VSTM2B: variants seen among roughly 807,000 people sequenced by gnomAD.
VSTM2B encodes V-set and transmembrane domain containing 2B, also known as V-set and transmembrane domain-containing protein 2B.
In VSTM2B, 24 loss-of-function variants were observed where a neutral mutation model predicts 24.0. The ratio of observed to expected loss-of-function variants is 1.00; its 90% confidence interval spans 0.72 to 1.40. VSTM2B has a LOEUF of 1.40. VSTM2B is among the 40% of genes most tolerant of loss of function. The pLI is 0.00. For missense variants in VSTM2B, 399 were observed against 416.4 expected, an observed-to-expected ratio of 0.96 and a Z score of 0.36; for synonymous variants, 226 against 194.4, an observed-to-expected ratio of 1.16 and a Z score of -1.35.
chr19:29,527,182 C>T, intron 1 of VSTM2B, 29 bp from the exon 2 acceptor site: 1 of 1,534,484 alleles, frequency 6.5e-7, no homozygotes, highest in South Asian at 1.2e-5. Flanking sequence ...TACAGCTGGT[C>T]ACGCCTCTCT....
At chr19:29,528,824 G>A in intron 3 of VSTM2B, 3 of 860,424 alleles carry the variant, frequency 3.5e-6, no homozygotes, top group Middle Eastern at 6.1e-4. Flanking sequence ...CGCCCTCGCC[G>A]CGACCGTGGC....
At chr19:29,558,875 T>G (rs1477943301) in intron 4 of VSTM2B, among the ~76,000 whole-genome samples, 2 of 152,180 alleles carry the variant, frequency 1.3e-5, no homozygotes, top group Admixed American at 6.5e-5. Context: ...AATAAAAATT[T>G]TTTTAAAAAG....
intron 4 of VSTM2B, among the ~76,000 whole-genome samples, chr19:29,546,670 G>GCCCCCCCCC (rs201235419): frequency 2.0e-5 from 3 of 150,318 alleles, no homozygotes; most frequent in African/African-American, 7.4e-5. Flanking sequence ...CCGCTGGGGA[G>GCCCCCCCCC]CCCCCACCCC....
At chr19:29,562,292 G>A (rs778387282) in intron 4 of VSTM2B, among the ~76,000 whole-genome samples, 12 of 152,218 alleles carry the variant, frequency 7.9e-5, no homozygotes, top group Non-Finnish European at 2.9e-5. Context: ...AGCAGGAGAC[G>A]CCTTGGATAG....
At chr19:29,545,816 G>A (rs1970140031) in intron 4 of VSTM2B, among the ~76,000 whole-genome samples, 1 of 151,960 alleles carries the variant, frequency 6.6e-6, no homozygotes, top group South Asian at 2.1e-4. Context: ...GTGTCTTTTT[G>A]GTAGAACCAA....
At chr19:29,542,671 A>G (rs1339367930) in intron 4 of VSTM2B, among the ~76,000 whole-genome samples, 1 of 152,034 alleles carries the variant, frequency 6.6e-6, no homozygotes. Context: ...GAAAGAAGAT[A>G]TAAGTGGGTG....
At position 29,526,558 on chromosome 19, in the gene VSTM2B, C is replaced by G; in HGVS notation, c.-26C>G. On this transcript the variant is annotated 5_prime_UTR_variant, in exon 1 of 5. Transcript: ENST00000335523. This position sits in a 1 kb window ranked among gnomAD's most constrained non-coding sequence, Gnocchi z 4.1. ...CGCCGCCTCTCCGCTCCCGGGCCCC[C>G]GCCGCCACCGCGCCCCCCGCGGGAG... is the stretch of plus-strand genomic sequence containing the variant. The G allele has an allele frequency of 6.7e-7, 1 of 1,498,030 alleles. No individual in the cohort carries two copies. The highest frequency in any genetic ancestry group is 8.9e-7 in the Non-Finnish European group (1 of 1,128,018). The allele number at this position is 1,498,030 out of a possible 1,614,324, so 92.8% of individuals were successfully genotyped here. A position where few individuals can be genotyped will look rare whatever the true frequency, so the allele number is the denominator to read the frequency against.
At chr19:29,535,977 A>C (rs1969879113) in intron 4 of VSTM2B, among the ~76,000 whole-genome samples, 1 of 152,238 alleles carries the variant, frequency 6.6e-6, no homozygotes, top group Non-Finnish European at 1.5e-5. Flanking sequence ...GTCCCAGAGA[A>C]GAGAGGGCGA....
In VSTM2B at chr19:29,540,588, C is replaced by G. The variant is rs541941742; in HGVS notation, c.769+10298C>G. On this transcript the variant is annotated intron_variant, in intron 4 of 4. Coordinates refer to ENST00000335523, the MANE Select transcript of VSTM2B (RefSeq NM_001146339.2). ...AGACTGATGCCCACAGACAGCAGGC[C>G]TGGTTCATTCTCACTGCTGTTTCCC... is the stretch of plus-strand genomic sequence containing the variant. Among the ~76,000 whole-genome samples the G allele has an allele frequency of 3.3e-5, 5 of 152,346 alleles. No homozygotes were observed. In the South Asian group the frequency reaches 1.0e-3, roughly 32 times the overall value.
At chr19:29,542,651 C>T (rs1314494118) in intron 4 of VSTM2B, among the ~76,000 whole-genome samples, 5 of 151,440 alleles carry the variant, frequency 3.3e-5, no homozygotes, top group African/African-American at 4.9e-5. Context: ...AAATAGCTGA[C>T]GCATAGGTGG....
intron 4 of VSTM2B, among the ~76,000 whole-genome samples, chr19:29,557,625 G>A (rs1038731288): frequency 3.3e-5 from 5 of 151,996 alleles, no homozygotes; most frequent in Non-Finnish European, 2.9e-5. Flanking sequence ...CTTGAACCCG[G>A]GAGGTGGAGG....
At position 29,559,262 on chromosome 19, in the gene VSTM2B, C is replaced by G. The variant is rs145067251; in HGVS notation, c.770-4584C>G. On this transcript the variant is annotated intron_variant, in intron 4 of 4. Coordinates refer to ENST00000335523, the MANE Select transcript of VSTM2B (RefSeq NM_001146339.2). Reference sequence around the variant, plus strand: ...ATAAAGAAAATGTGGCACATATACACCATGGAATACTATGCAGGCATAAAA... The same window carrying G: ...ATAAAGAAAATGTGGCACATATACAGCATGGAATACTATGCAGGCATAAAA... 9.2e-3 allele frequency among the ~76,000 whole-genome samples: 1,394 copies of G among 152,306 alleles called. 45 individuals carry two copies. The highest frequency in any genetic ancestry group is 0.09 in the East Asian group (467 of 5,188).
chr19:29,529,977 C>T lies in VSTM2B; in HGVS notation c.456C>T (p.Phe152=). 6.5e-7 allele frequency: 1 copy of T among 1,545,886 alleles called. No homozygotes were observed. Among genetic ancestry groups the T allele is most frequent in the Non-Finnish European group, 8.7e-7 (1 of 1,146,470 alleles). The stretch of plus-strand genomic sequence containing the variant: ...CGATGCTGCGCGTGCTCTCGCGCTT[C>T]GCGCCGCCCAACATGCAGGCCGCCG... ...AQAMLRVLSR[F]APPNMQAAEA... is the part of the protein sequence containing the mutation. The change falls in exon 4 of 5, where the codon TTC becomes TTT. Residue 152 remains phenylalanine (F), a synonymous_variant. Coordinates refer to ENST00000335523, the MANE Select transcript of VSTM2B (RefSeq NM_001146339.2).
intron 4 of VSTM2B, among the ~76,000 whole-genome samples, chr19:29,561,922 C>A (rs1422043858): frequency 6.6e-6 from 1 of 152,220 alleles, no homozygotes; most frequent in Non-Finnish European, 1.5e-5. Context: ...AGAGGCAGAG[C>A]ACCAGCCTGA....
At chr19:29,558,960 C>T (rs193105069) in intron 4 of VSTM2B, among the ~76,000 whole-genome samples, 6 of 152,168 alleles carry the variant, frequency 3.9e-5, no homozygotes, top group African/African-American at 1.2e-4. Flanking sequence ...AGTCAGGAAA[C>T]AACAGATGCT....
Position 29,530,106 on chromosome 19 carries a change from C to T in VSTM2B, c.585C>T (p.Pro195=). The change falls in exon 4 of 5, where the codon CCC becomes CCT. Residue 195 remains proline (P), a synonymous_variant. Coordinates refer to ENST00000335523, the MANE Select transcript of VSTM2B (RefSeq NM_001146339.2). The part of the protein sequence containing the change: ...AGAASRTTSE[P]GRGDKSPPPG... The stretch of plus-strand genomic sequence containing the variant: ...CCGCGAGCCGTACCACCTCCGAGCC[C>T]GGCCGCGGCGACAAGAGCCCGCCGC... The T allele has an allele frequency of 1.4e-6, 2 of 1,447,878 alleles. No homozygotes were observed. The highest frequency in any genetic ancestry group is 1.8e-6 in the Non-Finnish European group (2 of 1,109,352). 89.7% of individuals were successfully genotyped at this position (1,447,878 alleles called of 1,614,324 possible).
intron 4 of VSTM2B, among the ~76,000 whole-genome samples, chr19:29,540,964 A>G (rs563732524): frequency 6.6e-6 from 1 of 152,166 alleles, no homozygotes; most frequent in Non-Finnish European, 1.5e-5. Flanking sequence ...CAGGTAAAGA[A>G]AGAAGGTAGA....
intron 4 of VSTM2B, among the ~76,000 whole-genome samples, chr19:29,548,363 A>C (rs749030988): frequency 6.6e-6 from 1 of 152,088 alleles, no homozygotes; most frequent in Non-Finnish European, 1.5e-5. Flanking sequence ...CGCACCCCAC[A>C]CTGGACTTTT....
chr19:29,557,780 A>G (rs1970444088), intron 4 of VSTM2B, among the ~76,000 whole-genome samples: 1 of 152,232 alleles, frequency 6.6e-6, no homozygotes, highest in African/African-American at 2.4e-5. Context: ...CATTTGGGAC[A>G]TAGGCACAGG....
Sources: gnomAD v4.1 joint callset for allele counts (sites outside exome capture counted in the v4.1 genomes callset) on GRCh38, gnomAD v4.1.1 for gene constraint, Gnocchi (gnomAD v3.1) non-coding constraint, MANE v1.5 for transcripts, NCBI Gene and HGNC (gene_info 2026-07-23, HGNC 2026-07-21) for gene names.